Variants in CHRM3 observed in about 807,000 individuals in gnomAD.
The protein encoded by CHRM3 is cholinergic receptor muscarinic 3, also known as muscarinic acetylcholine receptor M3.
CHRM3 carries 11 observed loss-of-function variants against 41.8 expected under a neutral mutation model. That is an observed-to-expected ratio of 0.26 (90% CI 0.17 to 0.44). The LOEUF is 0.44. Ranked by LOEUF, CHRM3 falls within the 20% of genes least tolerant of loss-of-function variation. The probability of loss-of-function intolerance (pLI) is 1.00; values close to 1 mark genes in which losing one functional copy is unlikely to be tolerated. For missense variants in CHRM3, 571 were observed against 745.4 expected, an observed-to-expected ratio of 0.77 and a Z score of 2.72; for synonymous variants, 297 against 301.4, an observed-to-expected ratio of 0.99 and a Z score of 0.15.
intron 1 of CHRM3, among the ~76,000 whole-genome samples, chr1:239,413,653 C>T (rs1661281631): frequency 6.6e-6 from 1 of 152,088 alleles, no homozygotes; most frequent in Non-Finnish European, 1.5e-5. Flanking sequence ...AACTATGGGA[C>T]ACAAAATAAT....
intron 1 of CHRM3, among the ~76,000 whole-genome samples, chr1:239,480,877 C>T (rs975248049): frequency 6.6e-6 from 1 of 152,096 alleles, no homozygotes; most frequent in Non-Finnish European, 1.5e-5. Context: ...AATATTATAA[C>T]AAACCAAGGC....
chr1:239,442,029 T>A (rs1314058562), intron 1 of CHRM3, among the ~76,000 whole-genome samples: 2 of 152,200 alleles, frequency 1.3e-5, no homozygotes, highest in Admixed American at 1.3e-4. Flanking sequence ...ACATACTAAT[T>A]TTCAAAATGT....
At chr1:239,761,259 T>C (rs1234732893) in intron 5 of CHRM3, among the ~76,000 whole-genome samples, 1 of 152,176 alleles carries the variant, frequency 6.6e-6, no homozygotes, top group Non-Finnish European at 1.5e-5. Context: ...TATATGATTT[T>C]CCTTATCATG....
At chr1:239,481,216 A>G (rs1242968001) in intron 1 of CHRM3, among the ~76,000 whole-genome samples, 1 of 152,198 alleles carries the variant, frequency 6.6e-6, no homozygotes, top group East Asian at 1.9e-4. Context: ...ATATGTACAT[A>G]TATGTATGCT....
intron 1 of CHRM3, among the ~76,000 whole-genome samples, chr1:239,413,086 A>G (rs982632006): frequency 4.1e-5 from 2 of 48,648 alleles, no homozygotes; most frequent in African/African-American, 1.5e-4. Context: ...CAAAAAACAA[A>G]AACAAAAATG....
At position 239,814,946 on chromosome 1, in the gene CHRM3, T is replaced by G. The variant is rs547098145; in HGVS notation, c.-146-12306T>G. On this transcript the variant is annotated intron_variant, in intron 5 of 6. Coordinates refer to ENST00000676153, the MANE Select transcript of CHRM3 (RefSeq NM_001375978.1). ...ACACGCCACCATGCCTGGCTAATTT[T>G]TATATTTTTAGTAGAGATGGGGTTT... 5.9e-5 allele frequency among the ~76,000 whole-genome samples: 9 copies of G among 152,230 alleles called. No individual in the cohort carries two copies. The South Asian group carries it at 1.9e-3, about 32-fold the overall frequency.
intron 1 of CHRM3, among the ~76,000 whole-genome samples, chr1:239,458,259 A>C (rs1665099809): frequency 6.6e-6 from 1 of 152,170 alleles, no homozygotes; most frequent in African/African-American, 2.4e-5. Flanking sequence ...ATAAACTTTT[A>C]TCTATTAACT....
At chr1:239,701,374 G>A (rs550794064) in intron 5 of CHRM3, among the ~76,000 whole-genome samples, 2 of 152,320 alleles carry the variant, frequency 1.3e-5, no homozygotes, top group South Asian at 2.1e-4. Context: ...GAGGCATGGC[G>A]CTGAAAACCT....
At chr1:239,720,078 A>G (rs1662787079) in intron 5 of CHRM3, 1 of 151,962 alleles carries the variant, frequency 6.6e-6, no homozygotes, top group Non-Finnish European at 1.5e-5. Context: ...CTATGATAGC[A>G]GTAAGTTTAC....
intron 6 of CHRM3, among the ~76,000 whole-genome samples, chr1:239,877,636 G>A (rs1034276878): frequency 2.6e-5 from 4 of 152,140 alleles, no homozygotes; most frequent in Admixed American, 6.6e-5. Context: ...AAGGTGAATT[G>A]AATTTCTTAA....
intron 6 of CHRM3, among the ~76,000 whole-genome samples, chr1:239,873,710 G>C (rs186118872): frequency 1.1e-3 from 161 of 152,258 alleles, no homozygotes; most frequent in African/African-American, 3.8e-3. Context: ...ACACTGCCTG[G>C]TTTGCGTTTC....
chr1:239,727,833 C>G (rs1030823160), intron 5 of CHRM3: 10 of 151,938 alleles, frequency 6.6e-5, no homozygotes, highest in African/African-American at 2.4e-4. Flanking sequence ...AATCCTGGGA[C>G]AAGGACACCT....
At chr1:239,491,333 G>A (rs1397633316) in intron 1 of CHRM3, among the ~76,000 whole-genome samples, 3 of 152,004 alleles carry the variant, frequency 2.0e-5, no homozygotes, top group African/African-American at 4.8e-5. Flanking sequence ...CCAACCTCTG[G>A]CTATCTTCCC....
chr1:239,676,156 C>T (rs568281692), intron 4 of CHRM3, among the ~76,000 whole-genome samples: 2 of 152,288 alleles, frequency 1.3e-5, no homozygotes, highest in African/African-American at 4.8e-5. Flanking sequence ...GACCCTTGCC[C>T]CAGACGCTGC....
At chr1:239,549,871 A>G (rs1659650851) in intron 3 of CHRM3, among the ~76,000 whole-genome samples, 1 of 151,950 alleles carries the variant, frequency 6.6e-6, no homozygotes, top group African/African-American at 2.4e-5. Flanking sequence ...AATCTTTACT[A>G]CAGTGCGATT....
At chr1:239,735,402 A>G (rs1664311860) in intron 5 of CHRM3, among the ~76,000 whole-genome samples, 1 of 152,106 alleles carries the variant, frequency 6.6e-6, no homozygotes, top group African/African-American at 2.4e-5. Context: ...CATGTAGCTG[A>G]CAAGTACTAA....
chr1:239,589,625 T>TA (rs2148628849), intron 3 of CHRM3, among the ~76,000 whole-genome samples: 1 of 115,286 alleles, frequency 8.7e-6, no homozygotes, highest in South Asian at 3.0e-4. Context: ...TTTCCATGCA[T>TA]ATATATAAAA....
intron 5 of CHRM3, among the ~76,000 whole-genome samples, chr1:239,678,581 G>A (rs1458806448): frequency 1.3e-5 from 2 of 152,130 alleles, no homozygotes; most frequent in Non-Finnish European, 2.9e-5. Flanking sequence ...GAATTATCCA[G>A]AAATCTATGG....
chr1:239,912,665 C>G lies in CHRM3; in HGVS notation c.*3441C>G, dbSNP rs1680431896. 6.0e-6 allele frequency: 1 copy of G among 167,190 alleles called. No homozygotes were observed. The highest frequency in any genetic ancestry group is 2.1e-4 in the South Asian group (1 of 4,828). 10.4% of individuals were successfully genotyped at this position (167,190 alleles called of 1,614,324 possible). On this transcript the variant is annotated 3_prime_UTR_variant, in exon 7 of 7. Coordinates refer to ENST00000676153, the MANE Select transcript of CHRM3 (RefSeq NM_001375978.1). ...GGGAGGAAAGAAGGATGCCAAGGCT[C>G]TGTCACAGCGGAGAAGTCTAATACC...
Sources: allele counts gnomAD v4.1 joint callset (sites outside exome capture counted in the v4.1 genomes callset), GRCh38; gene constraint gnomAD v4.1.1; transcripts MANE v1.5; gene names NCBI Gene and HGNC (gene_info 2026-07-23, HGNC 2026-07-21).